The following TNIK variants were observed in gnomAD, a reference collection of about 807,000 sequenced individuals.
TNIK encodes the protein TRAF2 and NCK-interacting protein kinase.
A neutral mutation model predicts 191.3 loss-of-function variants in TNIK; 49 were observed. The observed-to-expected ratio is 0.26, with a 90% CI of 0.20 to 0.32. The LOEUF (loss-of-function observed/expected upper bound fraction) is 0.32, where lower values mean the gene tolerates loss of function less well. Among genes scored for constraint, TNIK ranks in the 10% least tolerant of loss-of-function variants. The pLI is 1.00. For missense variants in TNIK, 1,155 were observed against 1,702.3 expected (o/e 0.68, Z 5.66); for synonymous variants, 594 against 600.9 (o/e 0.99, Z 0.17).
At chr3:171,161,018 G>C (rs911322424) in intron 11 of TNIK, among the ~76,000 whole-genome samples, 6 of 152,152 alleles carry the variant, frequency 3.9e-5, no homozygotes, top group African/African-American at 1.4e-4. Flanking sequence ...ACATATGTAA[G>C]AAAACAAGCT....
intron 3 of TNIK, among the ~76,000 whole-genome samples, chr3:171,216,001 C>T (rs1245679186): frequency 6.6e-6 from 1 of 152,128 alleles, no homozygotes; most frequent in Non-Finnish European, 1.5e-5. Context: ...TGGACACTGG[C>T]TAGAACCATC....
chr3:171,212,819 G>A (rs1740996867), intron 3 of TNIK, among the ~76,000 whole-genome samples: 2 of 152,204 alleles, frequency 1.3e-5, no homozygotes, highest in Admixed American at 1.3e-4. Context: ...TAAGAATAGA[G>A]TGAGGAGAAT....
At chr3:171,364,489 A>G (rs564634708) in intron 2 of TNIK, among the ~76,000 whole-genome samples, 2 of 152,360 alleles carry the variant, frequency 1.3e-5, no homozygotes, top group Non-Finnish European at 2.9e-5. Flanking sequence ...CAAATATAGA[A>G]AGAATTATCA....
chr3:171,384,923 C>T (rs1383577805), intron 1 of TNIK, among the ~76,000 whole-genome samples: 1 of 152,190 alleles, frequency 6.6e-6, no homozygotes, highest in Admixed American at 6.5e-5. Flanking sequence ...AGCCTGCTTG[C>T]CTCTCAGAGT....
chr3:171,416,787 G>A (rs1353324821), intron 1 of TNIK, among the ~76,000 whole-genome samples: 1 of 152,142 alleles, frequency 6.6e-6, no homozygotes, highest in Non-Finnish European at 1.5e-5. Context: ...AGATGATTAT[G>A]AAAACTATAT....
chr3:171,120,381 T>C (rs1039879749), intron 18 of TNIK, among the ~76,000 whole-genome samples: 9 of 145,402 alleles, frequency 6.2e-5, no homozygotes, highest in African/African-American at 2.4e-4. Context: ...AGTGCAGGGG[T>C]GTGATCTCGG....
chr3:171,341,259 G>C (rs1757478003), intron 2 of TNIK, among the ~76,000 whole-genome samples: 1 of 151,930 alleles, frequency 6.6e-6, no homozygotes, highest in South Asian at 2.1e-4. Flanking sequence ...GATCACTTTA[G>C]GTCAGGAGTT....
chr3:171,381,336 G>A (rs1029254321), intron 1 of TNIK, among the ~76,000 whole-genome samples: 1 of 152,118 alleles, frequency 6.6e-6, no homozygotes, highest in African/African-American at 2.4e-5. Context: ...TTACTGCAAG[G>A]CCTCTCAAAG....
At chr3:171,135,340 C>T (rs549257698) in intron 15 of TNIK, among the ~76,000 whole-genome samples, 10 of 152,298 alleles carry the variant, frequency 6.6e-5, no homozygotes, top group Admixed American at 4.6e-4. Context: ...AAGATCCTTG[C>T]ACTGATTTTT....
chr3:171,155,436 G>C (rs935991882), intron 12 of TNIK, among the ~76,000 whole-genome samples: 1 of 152,236 alleles, frequency 6.6e-6, no homozygotes, highest in Non-Finnish European at 1.5e-5. Flanking sequence ...ATCTATCAAT[G>C]CTCTGTGGCC....
In TNIK at chr3:171,178,450, G is replaced by A. The variant is rs567012690; in HGVS notation, c.640-1070C>T. On this transcript the variant is annotated intron_variant, in intron 7 of 32. Transcript: ENST00000436636. The stretch of plus-strand genomic sequence containing the variant: ...GACTAGTATGTAACAATAGAGGCCA[G>A]TATACCTTTATATTATTTCTTATGC... Among the ~76,000 whole-genome samples the A allele has an allele frequency of 1.0e-3, 153 of 152,264 alleles. 1 individual carries two copies. The highest frequency in any genetic ancestry group is 7.4e-5 in the Non-Finnish European group (5 of 68,022).
intron 3 of TNIK, among the ~76,000 whole-genome samples, chr3:171,218,152 A>G (rs1124184): frequency 0.6 from 91,417 of 152,062 alleles, 29,364 homozygotes; most frequent in African/African-American, 0.84. Flanking sequence ...AATAAAGAAC[A>G]TTAAGCAATA....
chr3:171,356,334 G>C (rs918573852), intron 2 of TNIK, among the ~76,000 whole-genome samples: 1 of 152,046 alleles, frequency 6.6e-6, no homozygotes, highest in African/African-American at 2.4e-5. Context: ...GTAGCCCAAG[G>C]TATGCCGCTT....
chr3:171,060,625 T>G lies in TNIK; in HGVS notation c.*3256A>C, dbSNP rs1717727973. 6.6e-6 allele frequency among the ~76,000 whole-genome samples: 1 copy of G among 152,330 alleles called. No individual in the cohort carries two copies. The highest frequency in any genetic ancestry group is 6.5e-5 in the Admixed American group (1 of 15,304). ...TCTAAAATAGAGCTGTTCAATTTTATGTGGAACTTAGTGAAGGCTGTCTTC... is the reference window on the plus strand; with the variant it reads ...TCTAAAATAGAGCTGTTCAATTTTAGGTGGAACTTAGTGAAGGCTGTCTTC... On this transcript the variant is annotated 3_prime_UTR_variant, in exon 33 of 33. Coordinates refer to ENST00000436636, the MANE Select transcript of TNIK (RefSeq NM_015028.4).
Position 171,069,010 on chromosome 3 carries a change from C to T in TNIK, c.3550-13G>A, listed in dbSNP as rs1341486843. 1 of 1,606,416 alleles carries T rather than the reference C, an allele frequency of 6.2e-7. No homozygotes were observed. The highest frequency in any genetic ancestry group is 1.3e-5 in the African/African-American group (1 of 74,680). On this transcript the variant is annotated splice_polypyrimidine_tract_variant and intron_variant, in intron 29 of 32. Transcript: ENST00000436636. ...GATCTGCAAAAGACTTTAAAAATCA[C>T]CCCATTAGTATCCGCATCACTCAAA...
At chr3:171,224,834 TA>T (rs1210076492) in intron 3 of TNIK, among the ~76,000 whole-genome samples, 1 of 152,140 alleles carries the variant, frequency 6.6e-6, no homozygotes, top group Non-Finnish European at 1.5e-5. Flanking sequence ...TTTCAAACTA[TA>T]AGATCTTCAA....
intron 1 of TNIK, among the ~76,000 whole-genome samples, chr3:171,397,268 C>T (rs1273869870): frequency 6.6e-6 from 1 of 152,210 alleles, no homozygotes; most frequent in African/African-American, 2.4e-5. Context: ...CTGCTACACT[C>T]CCCTTTTGTT....
intron 1 of TNIK, among the ~76,000 whole-genome samples, chr3:171,452,231 A>C (rs959493973): frequency 2.6e-5 from 4 of 152,190 alleles, no homozygotes; most frequent in Admixed American, 6.5e-5. Context: ...AAAATAGCTC[A>C]TTTAAAAATT....
At chr3:171,111,164 A>G (rs1056303143) in intron 18 of TNIK, among the ~76,000 whole-genome samples, 2 of 152,174 alleles carry the variant, frequency 1.3e-5, no homozygotes, top group African/African-American at 2.4e-5. Flanking sequence ...GCTGTCACCT[A>G]TAACCCCAGC....
Sources: gnomAD v4.1 joint callset for allele counts (sites outside exome capture counted in the v4.1 genomes callset) on GRCh38, gnomAD v4.1.1 for gene constraint, MANE v1.5 for transcripts, NCBI Gene and HGNC (gene_info 2026-07-23, HGNC 2026-07-21) for gene names.